LINGO2: variants seen among roughly 807,000 people sequenced by gnomAD.
The protein encoded by LINGO2 is leucine rich repeat and Ig domain containing 2.
In LINGO2, 14 loss-of-function variants were observed where a neutral mutation model predicts 30.6. The ratio of observed to expected loss-of-function variants is 0.46; its 90% CI spans 0.30 to 0.72. The LOEUF is 0.72. Among genes scored for constraint, LINGO2 ranks in the 30% least tolerant of loss-of-function variants. The pLI is 0.07. For missense variants in LINGO2, 729 were observed against 751.7 expected (o/e 0.97, Z 0.35); for synonymous variants, 317 against 288.5 (o/e 1.10, Z -1.00).
the LINGO2 span, among the ~76,000 whole-genome samples, chr9:29,193,191 G>A: frequency 2.0e-5 from 3 of 152,082 alleles, no homozygotes; most frequent in African/African-American, 7.2e-5. Context: ...TAACTCTTTT[G>A]TCCCATTACC....
At chr9:28,065,932 G>C (rs1228092974) in intron 4 of LINGO2, among the ~76,000 whole-genome samples, 1 of 152,056 alleles carries the variant, frequency 6.6e-6, no homozygotes, top group South Asian at 2.1e-4. Context: ...CTGTATGTAT[G>C]TCTGGACACA....
the LINGO2 span, among the ~76,000 whole-genome samples, chr9:28,860,010 G>A: frequency 3.3e-5 from 5 of 151,910 alleles, no homozygotes; most frequent in Non-Finnish European, 7.4e-5. Flanking sequence ...TGTTTTAGTA[G>A]AAGTATTCCC....
intron 5 of LINGO2, among the ~76,000 whole-genome samples, chr9:27,989,602 T>G (rs1821296203): frequency 6.6e-6 from 1 of 151,886 alleles, no homozygotes; most frequent in African/African-American, 2.4e-5. Context: ...AAAGCCAGCA[T>G]CATCACCATA....
chr9:28,607,067 C>T (rs999939037), intron 1 of LINGO2, among the ~76,000 whole-genome samples: 2 of 151,950 alleles, frequency 1.3e-5, no homozygotes, highest in African/African-American at 4.8e-5. Context: ...GTGGGAAATA[C>T]CTGTCTTGGT....
chr9:28,385,131 G>A (rs903843033), intron 2 of LINGO2, among the ~76,000 whole-genome samples: 1 of 152,160 alleles, frequency 6.6e-6, no homozygotes, highest in African/African-American at 2.4e-5. Flanking sequence ...CTGACCTCTA[G>A]TGAGATGCAT....
At chr9:28,637,298 G>A (rs564459802) in intron 1 of LINGO2, among the ~76,000 whole-genome samples, 21 of 152,164 alleles carry the variant, frequency 1.4e-4, no homozygotes, top group Admixed American at 3.9e-4. Context: ...TTGACTTGGC[G>A]ATGCGGGCTC....
the LINGO2 span, among the ~76,000 whole-genome samples, chr9:28,782,785 A>C: frequency 2.0e-5 from 3 of 152,338 alleles, no homozygotes; most frequent in Middle Eastern, 6.8e-3. Context: ...AAGTACAGTC[A>C]TGCATCACTA....
chr9:29,113,309 A>T, the LINGO2 span, among the ~76,000 whole-genome samples: 2 of 152,234 alleles, frequency 1.3e-5, no homozygotes, highest in South Asian at 4.1e-4. Flanking sequence ...ATGAAGCTTT[A>T]GTGGAAGAAT....
intron 4 of LINGO2, among the ~76,000 whole-genome samples, chr9:28,173,984 G>GA (rs1449294704): frequency 4.6e-5 from 7 of 151,982 alleles, no homozygotes; most frequent in Non-Finnish European, 8.8e-5. Flanking sequence ...TATCCAAACT[G>GA]AAAAAAATCT....
At chr9:28,342,594 G>T (rs960301343) in intron 3 of LINGO2, among the ~76,000 whole-genome samples, 1 of 151,662 alleles carries the variant, frequency 6.6e-6, no homozygotes, top group Non-Finnish European at 1.5e-5. Flanking sequence ...TACAATATTA[G>T]ACTTCAATTC....
At chr9:28,042,547 A>G (rs145035154) in intron 4 of LINGO2, among the ~76,000 whole-genome samples, 2 of 152,288 alleles carry the variant, frequency 1.3e-5, no homozygotes, top group East Asian at 3.9e-4. Flanking sequence ...ACCATCTTTC[A>G]TCTTGAACCT....
chr9:28,762,627 C>CT, the LINGO2 span, among the ~76,000 whole-genome samples: 1 of 152,016 alleles, frequency 6.6e-6, no homozygotes, highest in East Asian at 1.9e-4. Context: ...ACACTTGCTG[C>CT]TGCCTAGATA....
chr9:28,059,956 TG>T (rs1053188439), intron 4 of LINGO2, among the ~76,000 whole-genome samples: 19 of 152,070 alleles, frequency 1.2e-4, no homozygotes, highest in Admixed American at 3.3e-4. Context: ...ATCATAGCTC[TG>T]CTTCTTACCA....
rs769220461 is a variant in LINGO2 at position 28,620,032 on chromosome 9, G to A, written c.-365+50168C>T. On this transcript the variant is annotated intron_variant, in intron 1 of 5. Transcript: ENST00000379992. Reference sequence around the variant, plus strand: ...ATGTTTCTGCTTCAGAGACTTGTTTGTCCATGTACAGCCATGTAACCACAC... The same window carrying A: ...ATGTTTCTGCTTCAGAGACTTGTTTATCCATGTACAGCCATGTAACCACAC... Among the ~76,000 whole-genome samples the A allele has an allele frequency of 1.2e-4, 18 of 152,074 alleles. 1 individual carries two copies. Among genetic ancestry groups the A allele is most frequent in the Non-Finnish European group, 2.5e-4 (17 of 67,988 alleles).
At chr9:27,947,018 C>T (rs913306168), downstream of LINGO2, among the ~76,000 whole-genome samples, 1 of 152,056 alleles carries the variant, frequency 6.6e-6, no homozygotes, top group Non-Finnish European at 1.5e-5. Context: ...GTCAACCCGC[C>T]AATCCAATAT....
the LINGO2 span, among the ~76,000 whole-genome samples, chr9:28,825,371 T>C: frequency 1.3e-5 from 2 of 151,698 alleles, no homozygotes; most frequent in African/African-American, 4.8e-5. Context: ...TAATTGGAAG[T>C]CTGTGAGTCA....
At chr9:28,754,922 C>G in the LINGO2 span, among the ~76,000 whole-genome samples, 1 of 151,956 alleles carries the variant, frequency 6.6e-6, no homozygotes, top group Non-Finnish European at 1.5e-5. Context: ...TAAGCCACCA[C>G]GCCCAGCCTT....
At chr9:28,294,487 C>T (rs1387621689) in intron 4 of LINGO2, among the ~76,000 whole-genome samples, 1 of 152,066 alleles carries the variant, frequency 6.6e-6, no homozygotes, top group Non-Finnish European at 1.5e-5. Context: ...CTTGTAGTTT[C>T]TTCAGGTAAT....
At chr9:28,033,863 T>C (rs1357532936) in intron 4 of LINGO2, among the ~76,000 whole-genome samples, 1 of 152,216 alleles carries the variant, frequency 6.6e-6, no homozygotes, top group African/African-American at 2.4e-5. Flanking sequence ...GAAGGACATT[T>C]GTTCAGTCAA....
Sources: allele counts gnomAD v4.1 joint callset (sites outside exome capture counted in the v4.1 genomes callset), GRCh38; gene constraint gnomAD v4.1.1; transcripts MANE v1.5; gene names NCBI Gene and HGNC (gene_info 2026-07-23, HGNC 2026-07-21).